The following CNTN3 variants were observed in gnomAD, a reference collection of about 807,000 sequenced individuals.
CNTN3 encodes contactin 3.
CNTN3 carries 60 observed loss-of-function variants against 119.1 expected under a neutral mutation model. The ratio of observed to expected loss-of-function variants is 0.50; its 90% CI spans 0.41 to 0.62. The LOEUF (loss-of-function observed/expected upper bound fraction) is 0.62. Among genes scored for constraint, CNTN3 ranks in the 20% least tolerant of loss-of-function variants. The pLI, the probability that CNTN3 is intolerant of heterozygous loss-of-function variation, is 0.00. For missense variants in CNTN3, 1,101 were observed against 1,242.4 expected (o/e 0.89, Z 1.71); for synonymous variants, 450 against 438.7 (o/e 1.03, Z -0.32).
chr3:74,464,265 A>T (rs1261166662), intron 4 of CNTN3, among the ~76,000 whole-genome samples: 1 of 152,148 alleles, frequency 6.6e-6, no homozygotes, highest in Non-Finnish European at 1.5e-5. Context: ...GCTCAAAAAT[A>T]CATATGCAAA....
chr3:74,287,780 T>C (rs981316019), intron 19 of CNTN3, among the ~76,000 whole-genome samples: 1 of 152,134 alleles, frequency 6.6e-6, no homozygotes, highest in African/African-American at 2.4e-5. Context: ...GGATATTTAT[T>C]ACCCTGCATT....
chr3:74,566,038 T>A (rs1704221047), intron 1 of CNTN3, among the ~76,000 whole-genome samples: 1 of 152,160 alleles, frequency 6.6e-6, no homozygotes, highest in East Asian at 1.9e-4. Flanking sequence ...GCCTTGCTCT[T>A]CTGCTATGAT....
chr3:74,496,378 T>G (rs1184053239), intron 3 of CNTN3, among the ~76,000 whole-genome samples: 1 of 152,126 alleles, frequency 6.6e-6, no homozygotes, highest in Admixed American at 6.6e-5. Flanking sequence ...AATTGGCCAG[T>G]GCTGAGAAGC....
At chr3:74,326,815 T>C (rs923202039) in intron 13 of CNTN3, among the ~76,000 whole-genome samples, 1 of 152,170 alleles carries the variant, frequency 6.6e-6, no homozygotes, top group African/African-American at 2.4e-5. Flanking sequence ...TCATACTTTA[T>C]TGCATTGACC....
intron 5 of CNTN3, among the ~76,000 whole-genome samples, chr3:74,379,458 T>C (rs972405685): frequency 6.6e-6 from 1 of 152,190 alleles, no homozygotes; most frequent in African/African-American, 2.4e-5. Context: ...TCCTAACAAA[T>C]GTCTCTTTCC....
intron 19 of CNTN3, among the ~76,000 whole-genome samples, chr3:74,289,002 G>A (rs1291251062): frequency 1.3e-5 from 2 of 152,156 alleles, no homozygotes; most frequent in African/African-American, 4.8e-5. Flanking sequence ...ATGCCACATG[G>A]CACATGATCA....
At chr3:74,568,748 G>T (rs1044388642) in intron 1 of CNTN3, among the ~76,000 whole-genome samples, 1 of 152,168 alleles carries the variant, frequency 6.6e-6, no homozygotes, top group Admixed American at 6.5e-5. Context: ...AGGTGATAAA[G>T]GCTTCCACAG....
intron 22 of CNTN3, 84 bp from the exon 23 acceptor site, chr3:74,264,585 C>A (rs1473183127): frequency 1.1e-5 from 9 of 803,072 alleles, no homozygotes; most frequent in Non-Finnish European, 1.6e-5. Context: ...TTGTGGTGTT[C>A]CCCCCAAATT....
At chr3:74,569,254 A>T (rs1054451332) in intron 1 of CNTN3, among the ~76,000 whole-genome samples, 2 of 152,102 alleles carry the variant, frequency 1.3e-5, no homozygotes, top group African/African-American at 2.4e-5. Flanking sequence ...CAAGCATTAA[A>T]CTGAAAATGC....
chr3:74,533,460 A>G (rs1655159469), intron 1 of CNTN3, among the ~76,000 whole-genome samples: 1 of 152,064 alleles, frequency 6.6e-6, no homozygotes, highest in South Asian at 2.1e-4. Context: ...GTAGGTAGAT[A>G]ATAATGGCAA....
chr3:74,418,211 A>G (rs1435260882), intron 5 of CNTN3, among the ~76,000 whole-genome samples: 2 of 152,240 alleles, frequency 1.3e-5, no homozygotes, highest in East Asian at 3.9e-4. Flanking sequence ...TTCCCCCTAA[A>G]GAGACAAAGT....
At chr3:74,384,326 C>T (rs1175635808) in intron 5 of CNTN3, among the ~76,000 whole-genome samples, 1 of 152,204 alleles carries the variant, frequency 6.6e-6, no homozygotes, top group Non-Finnish European at 1.5e-5. Context: ...GGAAACAGAT[C>T]TCCTTGTGAA....
intron 4 of CNTN3, among the ~76,000 whole-genome samples, chr3:74,425,295 G>A (rs1168221348): frequency 6.6e-6 from 1 of 152,110 alleles, no homozygotes; most frequent in African/African-American, 2.4e-5. Flanking sequence ...ATGGTCATAA[G>A]TACCTAACAT....
intron 4 of CNTN3, among the ~76,000 whole-genome samples, chr3:74,472,643 T>G (rs936913720): frequency 6.6e-6 from 1 of 152,238 alleles, no homozygotes; most frequent in Non-Finnish European, 1.5e-5. Context: ...AAGTCACAAC[T>G]TTCTAATGAG....
intron 4 of CNTN3, among the ~76,000 whole-genome samples, chr3:74,456,405 T>C (rs1702270067): frequency 6.6e-6 from 1 of 152,092 alleles, no homozygotes; most frequent in South Asian, 2.1e-4. Flanking sequence ...GACAGCTCTC[T>C]GTATATATTT....
intron 2 of CNTN3, among the ~76,000 whole-genome samples, 169 bp from the exon 3 acceptor site, chr3:74,499,954 C>T (rs1481468247): frequency 6.6e-6 from 1 of 152,010 alleles, no homozygotes; most frequent in Non-Finnish European, 1.5e-5. Context: ...TCAATTAACC[C>T]ACTCAACAGC....
intron 1 of CNTN3, among the ~76,000 whole-genome samples, chr3:74,551,265 G>A (rs753135996): frequency 1.2e-4 from 18 of 152,270 alleles, no homozygotes; most frequent in African/African-American, 4.3e-4. Flanking sequence ...TACACTCCAC[G>A]ACACTCAGAA....
chr3:74,462,856 GT>G (rs1702395102), intron 4 of CNTN3, among the ~76,000 whole-genome samples: 2 of 152,044 alleles, frequency 1.3e-5, no homozygotes, highest in Admixed American at 6.6e-5. Context: ...AGACCTACAT[GT>G]TTTTGAAATG....
At chr3:74,557,124 A>C (rs945338607) in intron 1 of CNTN3, among the ~76,000 whole-genome samples, 1 of 131,498 alleles carries the variant, frequency 7.6e-6, no homozygotes, top group Non-Finnish European at 1.7e-5. Context: ...GCAGCATAAA[A>C]GTTCCTAATT....
Sources: gnomAD v4.1 joint callset for allele counts (sites outside exome capture counted in the v4.1 genomes callset) on GRCh38, gnomAD v4.1.1 for gene constraint, MANE v1.5 for transcripts, NCBI Gene and HGNC (gene_info 2026-07-23, HGNC 2026-07-21) for gene names.